EPHB2: variants seen among roughly 807,000 people sequenced by gnomAD.
EPHB2 encodes the protein EPH receptor B2, also known as ephrin type-B receptor 2.
Under a neutral mutation model 96.4 loss-of-function variants are expected in EPHB2, and 18 were observed. That is an observed-to-expected ratio of 0.19 (90% CI 0.13 to 0.28). EPHB2 has a LOEUF of 0.28. Ranked by LOEUF, EPHB2 falls within the 10% of genes least tolerant of loss-of-function variation. EPHB2 has a pLI of 1.00. For missense variants in EPHB2, 989 were observed against 1,355.4 expected (o/e 0.73, Z 4.25); for synonymous variants, 506 against 534.1 (o/e 0.95, Z 0.72).
Position 22,921,177 on chromosome 1 carries a change from T to A in EPHB2, c.*7607T>A, listed in dbSNP as rs1003604776. The A allele has an allele frequency of 6.6e-6, 1 of 152,218 alleles. No individual in the cohort carries two copies. The highest frequency in any genetic ancestry group is 1.5e-5 in the Non-Finnish European group (1 of 68,068). The allele number at this position is 152,218 out of a possible 1,614,324, so 9.4% of individuals were successfully genotyped here. ...GAGTGAGTGTGCACACTCCTTCTCCTGAAGTGTCTGCCCCAGCCTGAGCTA... is the reference window on the plus strand; with the variant it reads ...GAGTGAGTGTGCACACTCCTTCTCCAGAAGTGTCTGCCCCAGCCTGAGCTA... On this transcript the variant is annotated 3_prime_UTR_variant, in exon 16 of 16. Transcript: ENST00000374630.
chr1:22,919,755 C>T lies in EPHB2; in HGVS notation c.*6185C>T, dbSNP rs1438392353. 1 of 152,212 alleles carries T rather than the reference C, an allele frequency of 6.6e-6. No individual in the cohort carries two copies. The highest frequency in any genetic ancestry group is 1.5e-5 in the Non-Finnish European group (1 of 68,030). 9.4% of individuals were successfully genotyped at this position (152,212 alleles called of 1,614,324 possible). A position where few individuals can be genotyped will look rare whatever the true frequency, so the allele number is the denominator to read the frequency against. ...CCAGGACCACATACACTCTTGGGGG[C>T]CCTGCTGAGACTGCAAGAGTCATGA... On this transcript the variant is annotated 3_prime_UTR_variant, in exon 16 of 16. Transcript: ENST00000374630.
chr1:22,780,715 C>G (rs1006403519), intron 1 of EPHB2, among the ~76,000 whole-genome samples: 1 of 152,140 alleles, frequency 6.6e-6, no homozygotes, highest in Non-Finnish European at 1.5e-5. Flanking sequence ...CCTCGGAAAC[C>G]CATCCAGTAG....
intron 1 of EPHB2, among the ~76,000 whole-genome samples, chr1:22,752,736 A>G (rs1286772105): frequency 6.6e-6 from 1 of 151,646 alleles, no homozygotes; most frequent in Non-Finnish European, 1.5e-5. Flanking sequence ...ATGTATTTTA[A>G]TATTTATAAA....
rs1435427346 is a variant in EPHB2 at position 22,858,473 on chromosome 1, T to C, written c.812-4564T>C. Among the ~76,000 whole-genome samples the C allele has an allele frequency of 6.6e-6, 1 of 152,084 alleles. No homozygotes were observed. The highest frequency in any genetic ancestry group is 2.4e-5 in the African/African-American group (1 of 41,402). On this transcript the variant is annotated intron_variant, in intron 3 of 15. Transcript: ENST00000374630. This position sits in a 1 kb window ranked among gnomAD's most constrained non-coding sequence, Gnocchi z 7.7. ...TCTCTGTCATTATTCCATGCAGGGATCATCAGCCCCCTTTCCAGATGAGGA... is the reference window on the plus strand; with the variant it reads ...TCTCTGTCATTATTCCATGCAGGGACCATCAGCCCCCTTTCCAGATGAGGA...
At position 22,896,384 on chromosome 1, in the gene EPHB2, G is replaced by A. The variant is rs1279763788; in HGVS notation, c.1701-30G>A. ...CCCAGCTCCCTGGGCGCCTTCAGGT[G>A]GCTCCAGCCCTTTGCTCTTGTTCCA... On this transcript the variant is annotated intron_variant, in intron 8 of 15. Coordinates refer to ENST00000374630, the MANE Select transcript of EPHB2 (RefSeq NM_017449.5). 3 of 1,614,036 alleles carry A rather than the reference G, an allele frequency of 1.9e-6. No individual in the cohort carries two copies. The South Asian group carries it at 3.3e-5, about 18-fold the overall frequency.
chr1:22,736,012 CT>C (rs1643819907), intron 1 of EPHB2, among the ~76,000 whole-genome samples: 1 of 152,208 alleles, frequency 6.6e-6, no homozygotes, highest in Non-Finnish European at 1.5e-5. Context: ...TCGATAGGCT[CT>C]TTTCCCTCTC....
chr1:22,719,146 G>A (rs976166855), intron 1 of EPHB2, among the ~76,000 whole-genome samples: 4 of 152,160 alleles, frequency 2.6e-5, no homozygotes, highest in Admixed American at 2.0e-4. Context: ...ACAGAGAATG[G>A]AGACTACGAA....
intron 1 of EPHB2, among the ~76,000 whole-genome samples, 151 bp downstream of exon 1, chr1:22,711,194 G>A (rs964932306): frequency 6.8e-6 from 1 of 146,326 alleles, no homozygotes; most frequent in African/African-American, 2.5e-5. Flanking sequence ...GTCCGGCCGC[G>A]CCGGGAGGAG....
chr1:22,784,265 A>G lies in EPHB2; in HGVS notation c.127-127A>G, dbSNP rs919782664. ...GCATGTCTCCCCCATCAGATTGGGA[A>G]TTCTCTGATGTCTTCACCATTAGAC... On this transcript the variant is annotated intron_variant, in intron 2 of 15. Transcript: ENST00000374630. This position sits in a 1 kb window ranked among gnomAD's most constrained non-coding sequence, Gnocchi z 5.1. 2 of 851,876 alleles carry G rather than the reference A, an allele frequency of 2.3e-6. No homozygotes were observed. Among genetic ancestry groups the G allele is most frequent in the Non-Finnish European group, 3.9e-6 (2 of 512,180 alleles). 52.8% of individuals were successfully genotyped at this position (851,876 alleles called of 1,614,324 possible).
intron 3 of EPHB2, among the ~76,000 whole-genome samples, chr1:22,854,375 G>A (rs1188766063): frequency 6.6e-6 from 1 of 152,144 alleles, no homozygotes; most frequent in Non-Finnish European, 1.5e-5. Flanking sequence ...AGCCAGGCAT[G>A]GTGGTGTGCA....
chr1:22,756,490 C>G (rs1644152700), intron 1 of EPHB2, among the ~76,000 whole-genome samples: 1 of 152,168 alleles, frequency 6.6e-6, no homozygotes, highest in African/African-American at 2.4e-5. Flanking sequence ...TTCCCTTCGC[C>G]CGTGGGCGGC....
chr1:22,782,099 A>T (rs1343173849), intron 2 of EPHB2, among the ~76,000 whole-genome samples: 1 of 152,154 alleles, frequency 6.6e-6, no homozygotes, highest in African/African-American at 2.4e-5. Context: ...CATAAGTTAC[A>T]GACTGTGGGG....
chr1:22,756,087 G>A (rs772814262), intron 1 of EPHB2, among the ~76,000 whole-genome samples: 1 of 151,928 alleles, frequency 6.6e-6, no homozygotes, highest in Non-Finnish European at 1.5e-5. Context: ...GAGAGGAGCC[G>A]ATAGCTGAGC....
chr1:22,774,725 G>A (rs1247359107), intron 1 of EPHB2: 1 of 579,772 alleles, frequency 1.7e-6, no homozygotes, highest in Non-Finnish European at 2.2e-6. Flanking sequence ...AGCTCTGAAG[G>A]GCGATCACAC....
chr1:22,785,599 G>A (rs1021910610), intron 3 of EPHB2, among the ~76,000 whole-genome samples: 3 of 152,224 alleles, frequency 2.0e-5, no homozygotes, highest in Non-Finnish European at 4.4e-5. Flanking sequence ...CAAATGGATG[G>A]AGCACCACCA....
intron 2 of EPHB2, among the ~76,000 whole-genome samples, chr1:22,782,910 G>A (rs1223606062): frequency 6.6e-6 from 1 of 152,172 alleles, no homozygotes; most frequent in African/African-American, 2.4e-5. Context: ...CAGGCTGCCA[G>A]CCCCTGCTCC....
At chr1:22,909,282 G>A (rs1223364724) in intron 13 of EPHB2, 111 bp downstream of exon 13, 2 of 1,541,096 alleles carry the variant, frequency 1.3e-6, no homozygotes, top group South Asian at 1.1e-5. Context: ...ATAGGCTTCT[G>A]AGATCATGGG....
At chr1:22,745,709 A>G (rs1452523668) in intron 1 of EPHB2, among the ~76,000 whole-genome samples, 3 of 152,026 alleles carry the variant, frequency 2.0e-5, no homozygotes, top group Non-Finnish European at 4.4e-5. Context: ...TGAGATAATT[A>G]TAATCCATGC....
At chr1:22,859,153 T>A (rs558911198) in intron 3 of EPHB2, among the ~76,000 whole-genome samples, 1 of 151,810 alleles carries the variant, frequency 6.6e-6, no homozygotes, top group Non-Finnish European at 1.5e-5. Flanking sequence ...ATAAATAAAA[T>A]AGACCCTGCC....
Sources: allele counts gnomAD v4.1 joint callset (sites outside exome capture counted in the v4.1 genomes callset), GRCh38; gene constraint gnomAD v4.1.1; non-coding constraint Gnocchi (gnomAD v3.1); transcripts MANE v1.5; gene names NCBI Gene and HGNC (gene_info 2026-07-23, HGNC 2026-07-21).